STRADA: variants seen among roughly 807,000 people sequenced by gnomAD.
STRADA encodes STE20-related kinase adapter protein alpha.
In STRADA, 26 loss-of-function variants were observed where a neutral mutation model predicts 55.0. That is an observed-to-expected ratio of 0.47 (90% CI 0.35 to 0.66). The LOEUF (loss-of-function observed/expected upper bound fraction) is 0.66, where lower values mean the gene tolerates loss of function less well. STRADA is among the 30% of genes least tolerant of loss of function. The pLI is 0.01. For synonymous variants in STRADA, 197 were observed against 210.9 expected (o/e 0.93, Z 0.57); for missense variants, 443 against 549.7 (o/e 0.81, Z 1.94).
intron 12 of STRADA, 41 bp downstream of exon 12, chr17:63,703,964 C>A (rs1204217913): frequency 6.2e-7 from 1 of 1,601,388 alleles, no homozygotes; most frequent in East Asian, 2.3e-5. Flanking sequence ...GTTGTTAGAA[C>A]CAGAACTAGA....
intron 3 of STRADA, among the ~76,000 whole-genome samples, chr17:63,725,221 G>A (rs1258293672): frequency 6.6e-6 from 1 of 152,088 alleles, no homozygotes; most frequent in East Asian, 1.9e-4. Context: ...GACAGAGCGA[G>A]ACTCTGTCTC....
intron 8 of STRADA, among the ~76,000 whole-genome samples, chr17:63,709,511 C>T (rs2036344111): frequency 6.6e-6 from 1 of 152,190 alleles, no homozygotes; most frequent in Non-Finnish European, 1.5e-5. Flanking sequence ...ATATCATCTG[C>T]TCTGTCACTT....
rs762900733 is a variant in STRADA at position 63,703,556 on chromosome 17, C to T, written c.*43G>A. 6.3e-7 allele frequency: 1 copy of T among 1,576,116 alleles called. No homozygotes were observed. The highest frequency in any genetic ancestry group is 8.6e-7 in the Non-Finnish European group (1 of 1,157,020). ...GCCCTCAGGAAGGGCCTCTGGGTGG[C>T]CTCTGCATCCCTGGCTGGAGAATGC... On this transcript the variant is annotated 3_prime_UTR_variant, in exon 13 of 13. Coordinates refer to ENST00000336174, the MANE Select transcript of STRADA (RefSeq NM_001003787.4).
At chr17:63,706,873 T>G in intron 9 of STRADA, 134 bp from the exon 10 acceptor site, 1 of 678,578 alleles carries the variant, frequency 1.5e-6, no homozygotes, top group Non-Finnish European at 2.6e-6. Context: ...TTGCCTGTGC[T>G]ACTGAAGACT....
In STRADA at chr17:63,740,787, C is replaced by T. The variant is rs376215456; in HGVS notation, c.-45+954G>A. ...CCATTTCTGGGGCCACAACTATAAA[C>T]ACTGCATTCCAGCCAAAACACCTCT... On this transcript the variant is annotated intron_variant, in intron 1 of 12. Coordinates refer to ENST00000336174, the MANE Select transcript of STRADA (RefSeq NM_001003787.4). Among the ~76,000 whole-genome samples the T allele has an allele frequency of 1.3e-4, 20 of 152,274 alleles. No individual in the cohort carries two copies. In the East Asian group the frequency reaches 3.9e-3, roughly 29 times the overall value.
Position 63,703,454 on chromosome 17 carries a change from C to T in STRADA, c.*145G>A. ...AAGTGTCTCTCCAGGATTTTCTTTC[C>T]CAATCAGTCAGCAGTCAACTTTCCT... is the stretch of plus-strand genomic sequence containing the variant. On this transcript the variant is annotated 3_prime_UTR_variant, in exon 13 of 13. Transcript: ENST00000336174. The T allele has an allele frequency of 1.3e-6, 1 of 767,752 alleles. No individual in the cohort carries two copies. The highest frequency in any genetic ancestry group is 2.1e-6 in the Non-Finnish European group (1 of 483,414). The allele number at this position is 767,752 out of a possible 1,614,324, so 47.6% of individuals were successfully genotyped here.
intron 1 of STRADA, among the ~76,000 whole-genome samples, chr17:63,736,422 G>A (rs2038427749): frequency 6.6e-6 from 1 of 151,938 alleles, no homozygotes. Flanking sequence ...GAGGTCAGGA[G>A]TTTGAGACCA....
At chr17:63,706,897 C>T (rs192417988) in intron 9 of STRADA, among the ~76,000 whole-genome samples, 158 bp from the exon 10 acceptor site, 25 of 152,324 alleles carry the variant, frequency 1.6e-4, no homozygotes, top group South Asian at 2.1e-4. Flanking sequence ...TGGTATTTTA[C>T]CACCTGTAAC....
At chr17:63,723,094 G>C (rs1460388257) in intron 4 of STRADA, among the ~76,000 whole-genome samples, 1 of 152,142 alleles carries the variant, frequency 6.6e-6, no homozygotes, top group Non-Finnish European at 1.5e-5. Context: ...AACTACCTGA[G>C]ACTTTTTTCA....
In STRADA at chr17:63,710,562, C is replaced by T. The variant is rs985956488; in HGVS notation, c.510G>A (p.Leu170=). The change falls in exon 8 of 13, where the codon CTG becomes CTA. Residue 170 remains leucine (L), a synonymous_variant. Coordinates refer to ENST00000336174, the MANE Select transcript of STRADA (RefSeq NM_001003787.4). ...CTHFMDGMNE[L]AIAYILQGVL... ...CCCCCTGCAGGATGTAAGCAATCGC[C>T]AGCTCATTCATGCCATCCATGAAGT... 3.1e-6 allele frequency: 5 copies of T among 1,613,906 alleles called. No homozygotes were observed. Among genetic ancestry groups the T allele is most frequent in the Middle Eastern group, 1.6e-4 (1 of 6,078 alleles).
At chr17:63,731,133 G>A (rs1269198392) in intron 1 of STRADA, among the ~76,000 whole-genome samples, 5 of 151,568 alleles carry the variant, frequency 3.3e-5, no homozygotes, top group Non-Finnish European at 7.4e-5. Context: ...TAATAGAGAC[G>A]GGGTTCCACC....
intron 2 of STRADA, 101 bp downstream of exon 2, chr17:63,728,233 A>G: frequency 2.7e-6 from 3 of 1,113,378 alleles, no homozygotes; most frequent in Non-Finnish European, 4.0e-6. Flanking sequence ...CTTCCGTATC[A>G]TTCCGACCCT....
rs971998089 is a variant in STRADA at position 63,703,702 on chromosome 17, G to T, written c.1193C>A (p.Thr398Asn). ...GCTGCCCTCAAAATTGGTGATGGGG[G>T]TGACAGGACGAAGCAATTCGGGCAA... is the stretch of plus-strand genomic sequence containing the variant. Reference protein sequence around the residue: ...EALPELLRPVTPITNFEGSQS... With the variant: ...EALPELLRPVNPITNFEGSQS... The change falls in exon 13 of 13, where the codon ACC becomes AAC. Residue 398 changes from threonine (T) to asparagine (N), a missense_variant. Coordinates refer to ENST00000336174, the MANE Select transcript of STRADA (RefSeq NM_001003787.4). 1.9e-6 allele frequency: 3 copies of T among 1,614,204 alleles called. No individual in the cohort carries two copies. The highest frequency in any genetic ancestry group is 1.1e-5 in the South Asian group (1 of 91,082).
chr17:63,706,096 A>T (rs2036068861), intron 10 of STRADA: 1 of 152,266 alleles, frequency 6.6e-6, no homozygotes, highest in African/African-American at 2.4e-5. Flanking sequence ...GGCTTGCATA[A>T]GCCTCTTCCC....
chr17:63,728,763 C>G (rs1001916595), intron 1 of STRADA, among the ~76,000 whole-genome samples: 8 of 137,474 alleles, frequency 5.8e-5, no homozygotes, highest in African/African-American at 2.1e-4. Flanking sequence ...AAAAAAAAGC[C>G]AGGCAAGGTG....
In STRADA at chr17:63,703,472, A is replaced by G; in HGVS notation, c.*127T>C. On this transcript the variant is annotated 3_prime_UTR_variant, in exon 13 of 13. Coordinates refer to ENST00000336174, the MANE Select transcript of STRADA (RefSeq NM_001003787.4). ...TTCTTTCCCAATCAGTCAGCAGTCA[A>G]CTTTCCTGGAAGAATGTCCTTTCTA... 1 of 916,232 alleles carries G rather than the reference A, an allele frequency of 1.1e-6. No homozygotes were observed. The highest frequency in any genetic ancestry group is 1.7e-5 in the African/African-American group (1 of 59,372). The allele number at this position is 916,232 out of a possible 1,614,324, so 56.8% of individuals were successfully genotyped here. A position where few individuals can be genotyped will look rare whatever the true frequency, so the allele number is the denominator to read the frequency against.
intron 9 of STRADA, 131 bp from the exon 10 acceptor site, chr17:63,706,870 T>A: frequency 1.4e-6 from 1 of 698,714 alleles, no homozygotes; most frequent in Non-Finnish European, 2.5e-6. Flanking sequence ...TCCTTGCCTG[T>A]GCTACTGAAG....
chr17:63,726,603 C>T, intron 3 of STRADA, 35 bp downstream of exon 3: 1 of 1,603,504 alleles, frequency 6.2e-7, no homozygotes, highest in Middle Eastern at 1.7e-4. Flanking sequence ...ATTTTTATAT[C>T]CTGAAGTGAT....
At chr17:63,713,614 CA>C in intron 5 of STRADA, 87 bp from the exon 6 acceptor site, 1 of 1,513,588 alleles carries the variant, frequency 6.6e-7, no homozygotes. Context: ...GACTTGATTT[CA>C]AAAGAAACTT....
Sources: allele counts gnomAD v4.1 joint callset (sites outside exome capture counted in the v4.1 genomes callset), GRCh38; gene constraint gnomAD v4.1.1; transcripts MANE v1.5; gene names NCBI Gene and HGNC (gene_info 2026-07-23, HGNC 2026-07-21).